Variants in SEMA7A observed in about 807,000 individuals in gnomAD.
SEMA7A encodes semaphorin-7A.
In SEMA7A, 21 loss-of-function variants were observed where a neutral mutation model predicts 67.5. That is an observed-to-expected ratio of 0.31 (90% CI 0.22 to 0.45). The LOEUF (loss-of-function observed/expected upper bound fraction) is 0.45, where lower values mean the gene tolerates loss of function less well. Among genes scored for constraint, SEMA7A ranks in the 20% least tolerant of loss-of-function variants. SEMA7A has a pLI of 1.00. For synonymous variants in SEMA7A, 364 were observed against 368.5 expected, an observed-to-expected ratio of 0.99 and a Z score of 0.14; for missense variants, 774 against 908.6, an observed-to-expected ratio of 0.85 and a Z score of 1.90.
At chr15:74,416,174 C>T (rs983190274) in intron 7 of SEMA7A, among the ~76,000 whole-genome samples, 189 bp from the exon 8 acceptor site, 3 of 152,098 alleles carry the variant, frequency 2.0e-5, no homozygotes, top group Non-Finnish European at 4.4e-5. Context: ...AGCAAGCAGG[C>T]CTGGCTGATC....
chr15:74,411,609 G>A lies in SEMA7A; in HGVS notation c.1524C>T (p.Asp508=), dbSNP rs766686595. The change falls in exon 12 of 14, where the codon GAC becomes GAT. Residue 508 remains aspartate, a synonymous_variant. Transcript: ENST00000261918. This position sits in a 1 kb window ranked among gnomAD's most constrained non-coding sequence, Gnocchi z 4.4. The part of the protein sequence containing the change: ...GGCHGCLMSR[D]PYCGWDQGRC... ...GGCCTTGGTCCCAGCCGCAGTAGGG[G>A]TCTCGGGACATGAGGCAACCGTGGC... 3 of 1,606,334 alleles carry A rather than the reference G, an allele frequency of 1.9e-6. No individual in the cohort carries two copies. In the Admixed American group the frequency reaches 5.1e-5, roughly 27 times the overall value.
At chr15:74,420,336 T>C (rs2060989716) in intron 1 of SEMA7A, among the ~76,000 whole-genome samples, 1 of 152,200 alleles carries the variant, frequency 6.6e-6, no homozygotes, top group South Asian at 2.1e-4. Context: ...CAGAGAAGAA[T>C]GCTGAGGTAC....
At position 74,418,279 on chromosome 15, in the gene SEMA7A, G is replaced by C; in HGVS notation, c.361C>G (p.Leu121Val). The change falls in exon 3 of 14, where the codon CTG becomes GTG. Residue 121 changes from leucine (L) to valine (V), a missense_variant. Physicochemically the swap from Leu to Val is conservative, Grantham distance 32 (BLOSUM62 1). Around this residue, in one of 2 missense-constraint regions of SEMA7A, gnomAD observed 347 missense variants for 353.2 expected, o/e 0.98. Transcript: ENST00000261918. Reference sequence around the variant, plus strand: ...CCTCCCCCACTCACCCGCTTATCCAGACAGGACCCCTTTGTGGAGCCGATA... The same window carrying C: ...CCTCCCCCACTCACCCGCTTATCCACACAGGACCCCTTTGTGGAGCCGATA... ...VNIGSTKGSC[L>V]DKRDCENYIT... 1.9e-6 allele frequency: 3 copies of C among 1,612,242 alleles called. No individual in the cohort carries two copies. The highest frequency in any genetic ancestry group is 2.7e-5 in the African/African-American group (2 of 74,880).
intron 4 of SEMA7A, 76 bp downstream of exon 4, chr15:74,417,801 C>T (rs932399554): frequency 1.7e-5 from 26 of 1,571,860 alleles, no homozygotes; most frequent in Admixed American, 3.3e-5. Context: ...CTCGCCATCT[C>T]CTTCCCACCA....
At position 74,418,828 on chromosome 15, in the gene SEMA7A, G is replaced by A. The variant is rs199903326; in HGVS notation, c.303C>T (p.Pro101=). ...GRGKVYLFDF[P]EGKNASVRTV... is the part of the protein sequence containing the mutation. ...TGCGCACAGATGCGTTCTTGCCCTC[G>A]GGGAAGTCAAAGAGGTAGACCTTGC... The change falls in exon 2 of 14, where the codon CCC becomes CCT. Residue 101 remains proline (P), a synonymous_variant. Coordinates refer to ENST00000261918, the MANE Select transcript of SEMA7A (RefSeq NM_003612.5). 2.0e-5 allele frequency: 32 copies of A among 1,613,868 alleles called. No homozygotes were observed. Among genetic ancestry groups the A allele is most frequent in the South Asian group, 1.1e-4 (10 of 91,086 alleles).
Position 74,411,570 on chromosome 15 carries a change from G to A in SEMA7A, c.1563C>T (p.Ile521=). 1 of 1,576,994 alleles carries A rather than the reference G, an allele frequency of 6.3e-7. No homozygotes were observed. Among genetic ancestry groups the A allele is most frequent in the Non-Finnish European group, 8.6e-7 (1 of 1,160,334 alleles). The part of the protein sequence containing the change: ...CGWDQGRCIS[I]YSSERSVLQS... ...GGCCAACGTACCGTTCGGAGCTGTA[G>A]ATGGAGATGCAGCGGCCTTGGTCCC... The change falls in exon 12 of 14, where the codon ATC becomes ATT. Residue 521 remains isoleucine, a synonymous_variant. Transcript: ENST00000261918. This position sits in a 1 kb window ranked among gnomAD's most constrained non-coding sequence, Gnocchi z 4.4.
intron 2 of SEMA7A, 143 bp downstream of exon 2, chr15:74,418,657 TC>T (rs1567074453): frequency 1.1e-6 from 1 of 909,872 alleles, no homozygotes; most frequent in South Asian, 1.6e-5. Context: ...TTAGGGAGCC[TC>T]CCCCAGGAGC....
Position 74,418,836 on chromosome 15 carries a change from C to A in SEMA7A, c.295G>T (p.Asp99Tyr). Residue 99 changes from aspartate to tyrosine, a missense_variant, in exon 2 of 14, where the codon GAC becomes TAC. By Grantham distance (160) the Asp-to-Tyr change is radical (BLOSUM62 -3). This residue lies in a region of SEMA7A where 347 missense variants were observed against 353.2 expected (regional missense o/e 0.98). Transcript: ENST00000261918. ...VGGRGKVYLFDFPEGKNASVR... is the reference protein window; with the variant it reads ...VGGRGKVYLFYFPEGKNASVR... ...GATGCGTTCTTGCCCTCGGGGAAGT[C>A]AAAGAGGTAGACCTTGCCACGTCCT... 6.2e-7 allele frequency: 1 copy of A among 1,613,898 alleles called. No individual in the cohort carries two copies.
chr15:74,416,925 T>C (rs1299077867), intron 6 of SEMA7A, among the ~76,000 whole-genome samples: 1 of 152,174 alleles, frequency 6.6e-6, no homozygotes, highest in Non-Finnish European at 1.5e-5. Flanking sequence ...CCTACAAAGA[T>C]GTCATCGGCC....
chr15:74,412,382 A>G (rs1395990564), intron 10 of SEMA7A, among the ~76,000 whole-genome samples: 3 of 151,934 alleles, frequency 2.0e-5, no homozygotes, highest in Non-Finnish European at 4.4e-5. Context: ...CATCTTCCCC[A>G]CTCCACAGAT....
chr15:74,421,802 A>T (rs1283242511), intron 1 of SEMA7A, among the ~76,000 whole-genome samples: 1 of 152,218 alleles, frequency 6.6e-6, no homozygotes, highest in African/African-American at 2.4e-5. Context: ...AAGTGAAGGC[A>T]GCACCAAGCC....
At chr15:74,415,021 T>C in intron 8 of SEMA7A, 75 bp from the exon 9 acceptor site, 1 of 1,264,904 alleles carries the variant, frequency 7.9e-7, no homozygotes, top group South Asian at 1.2e-5. Context: ...CAGGCCAGCC[T>C]TGTGCCTGGC....
Position 74,411,214 on chromosome 15 carries a change from T to C in SEMA7A, c.1639+81A>G. The C allele has an allele frequency of 6.7e-7, 1 of 1,482,272 alleles. No individual in the cohort carries two copies. The highest frequency in any genetic ancestry group is 9.2e-7 in the Non-Finnish European group (1 of 1,081,874). The allele number at this position is 1,482,272 out of a possible 1,614,324, so 91.8% of individuals were successfully genotyped here. ...CTGGGGCCCACAGGACAAGGCCATG[T>C]CTCCCTCAGACCAGGACAATCAGGG... On this transcript the variant is annotated intron_variant, in intron 13 of 13. Transcript: ENST00000261918. This position sits in a 1 kb window ranked among gnomAD's most constrained non-coding sequence, Gnocchi z 4.4.
chr15:74,418,241 C>A, intron 3 of SEMA7A, 27 bp downstream of exon 3: 2 of 1,610,554 alleles, frequency 1.2e-6, no homozygotes, highest in Non-Finnish European at 1.7e-6. Flanking sequence ...GTGGCTCAGA[C>A]CCCTCCATAC....
intron 1 of SEMA7A, chr15:74,433,451 C>G: frequency 4.2e-6 from 3 of 718,348 alleles, no homozygotes; most frequent in Admixed American, 5.0e-5. Context: ...CCCGCCCCCT[C>G]CCCTGGCGCC....
rs2060950494 is a variant in SEMA7A, at chr15:74,416,602, A to G, written c.774T>C (p.Asn258=). Residue 258 remains asparagine, a synonymous_variant, in exon 7 of 14, where the codon AAT becomes AAC. Transcript: ENST00000261918. ...TGCACAACTGGGCCACACGGGACAC[A>G]TTGAGAGGAGCCTCAGGATTCTTGT... The part of the protein sequence containing the change: ...NPDKNPEAPL[N]VSRVAQLCRG... 3 of 1,613,974 alleles carry G rather than the reference A, an allele frequency of 1.9e-6. No homozygotes were observed. The highest frequency in any genetic ancestry group is 1.7e-6 in the Non-Finnish European group (2 of 1,179,994).
At position 74,433,873 on chromosome 15, in the gene SEMA7A, C is replaced by T. The variant is rs760766009; in HGVS notation, c.46G>A (p.Ala16Thr). ...CGAGCCGGCGGGCCAGGGACGCGGGCGCGCGGTGCGCTGGGGGCGGCACGT... is the reference window on the plus strand; with the variant it reads ...CGAGCCGGCGGGCCAGGGACGCGGGTGCGCGGTGCGCTGGGGGCGGCACGT... ...PGRAAPSAPR[A>T]RVPGPPARLG... is the part of the protein sequence containing the mutation. Residue 16 changes from alanine (A) to threonine (T), a missense_variant, in exon 1 of 14, where the codon GCC becomes ACC. Physicochemically the swap from Ala to Thr is moderately conservative, Grantham distance 58. This residue lies in a region of SEMA7A where 347 missense variants were observed against 353.2 expected (regional missense o/e 0.98). Coordinates refer to ENST00000261918, the MANE Select transcript of SEMA7A (RefSeq NM_003612.5). 5.5e-6 allele frequency: 7 copies of T among 1,276,230 alleles called. No homozygotes were observed. In the African/African-American group the frequency reaches 9.3e-5, roughly 17 times the overall value. 79.1% of individuals were successfully genotyped at this position (1,276,230 alleles called of 1,614,324 possible).
Position 74,411,966 on chromosome 15 carries a change from G to C in SEMA7A, c.1341C>G (p.His447Gln). 6.2e-7 allele frequency: 1 copy of C among 1,614,044 alleles called. No homozygotes were observed. The highest frequency in any genetic ancestry group is 8.5e-7 in the Non-Finnish European group (1 of 1,180,042). The change falls in exon 11 of 14, where the codon CAC (histidine) becomes CAG (glutamine). Residue 447 changes from histidine (H) to glutamine (Q), a missense_variant. His to Gln is a conservative substitution (Grantham distance 24, BLOSUM62 0). Transcript: ENST00000261918. The surrounding 1 kb of genome is among the most constrained non-coding windows in gnomAD (Gnocchi z 4.4). ...HKVVEPGEQE[H>Q]SFAFNIMEIQ... ...TCTCCATGATGTTGAAGGCGAAGCT[G>C]TGCTCCTGCTCCCCCGGTTCCACCA...
At chr15:74,428,475 T>A (rs1174379384) in intron 1 of SEMA7A, among the ~76,000 whole-genome samples, 2 of 152,248 alleles carry the variant, frequency 1.3e-5, no homozygotes, top group Non-Finnish European at 2.9e-5. Context: ...AGCTAATCTC[T>A]GACATTTCTT....
Sources: allele counts gnomAD v4.1 joint callset (sites outside exome capture counted in the v4.1 genomes callset), GRCh38; gene constraint gnomAD v4.1.1; regional missense constraint gnomAD v4.1.1; non-coding constraint Gnocchi (gnomAD v3.1); transcripts MANE v1.5; gene names NCBI Gene and HGNC (gene_info 2026-07-23, HGNC 2026-07-21).